MYLK: variants seen among roughly 807,000 people sequenced by gnomAD.
MYLK encodes the protein myosin light chain kinase, smooth muscle.
MYLK carries 106 observed loss-of-function variants against 203.4 expected under a neutral mutation model. The ratio of observed to expected loss-of-function variants is 0.52; its 90% CI spans 0.45 to 0.61. The LOEUF (loss-of-function observed/expected upper bound fraction) is 0.61. Among genes scored for constraint, MYLK ranks in the 20% least tolerant of loss-of-function variants. MYLK has a pLI of 0.00. For missense variants in MYLK, 2,072 were observed against 2,442.3 expected, an observed-to-expected ratio of 0.85 and a Z score of 3.20; for synonymous variants, 867 against 959.5, an observed-to-expected ratio of 0.90 and a Z score of 1.78.
intron 4 of MYLK, among the ~76,000 whole-genome samples, chr3:123,770,617 G>T (rs2063848801): frequency 6.6e-6 from 1 of 152,214 alleles, no homozygotes; most frequent in African/African-American, 2.4e-5. Flanking sequence ...TGTGTGAGGG[G>T]GTGATGCCCA....
chr3:123,767,325 G>A (rs903095538), intron 4 of MYLK, among the ~76,000 whole-genome samples: 2 of 152,228 alleles, frequency 1.3e-5, no homozygotes, highest in African/African-American at 4.8e-5. Flanking sequence ...AAATGCATGA[G>A]GCTGGGTGTG....
At chr3:123,670,034 C>CAAAAAAAAAA (rs57445681) in intron 20 of MYLK, among the ~76,000 whole-genome samples, 12 of 36,996 alleles carry the variant, frequency 3.2e-4, no homozygotes, top group East Asian at 5.8e-4. Flanking sequence ...GACTCCATCT[C>CAAAAAAAAAA]AAAAAAAAAA....
chr3:123,807,534 T>C lies in MYLK; in HGVS notation c.-3-13690A>G, dbSNP rs142095516. Among the ~76,000 whole-genome samples the C allele has an allele frequency of 1.4e-4, 22 of 152,368 alleles. 1 individual carries two copies. The East Asian group carries it at 2.1e-3, about 15-fold the overall frequency. ...GTATTGATATCCCCTTAGATTTTTA[T>C]TGTCATGACATCTGCTGAGTATGAA... On this transcript the variant is annotated intron_variant, in intron 3 of 33. Transcript: ENST00000360304.
At chr3:123,714,124 T>C (rs1467854682) in intron 13 of MYLK, among the ~76,000 whole-genome samples, 1 of 152,210 alleles carries the variant, frequency 6.6e-6, no homozygotes, top group East Asian at 1.9e-4. Flanking sequence ...AAGATGTTCA[T>C]AGCTAATTCA....
rs2061127382 is a variant in MYLK, at chr3:123,700,183, C to A, written c.3285G>T (p.Gly1095=). Residue 1095 remains glycine, a synonymous_variant, in exon 18 of 34, where the codon GGG becomes GGT. Coordinates refer to ENST00000360304, the MANE Select transcript of MYLK (RefSeq NM_053025.4). ...GCTTCTGCTTGAAGGCTGGGGCTGT[C>A]CCCTGGCTCTCTGATCTCTTTTCAT... ...TDNEKRSESQ[G]TAPAFKQKLQ... 1.2e-6 allele frequency: 2 copies of A among 1,613,946 alleles called. No homozygotes were observed. Among genetic ancestry groups the A allele is most frequent in the Non-Finnish European group, 1.7e-6 (2 of 1,179,986 alleles).
At chr3:123,660,897 G>A (rs2059539991) in intron 23 of MYLK, among the ~76,000 whole-genome samples, 1 of 152,194 alleles carries the variant, frequency 6.6e-6, no homozygotes, top group Non-Finnish European at 1.5e-5. Context: ...GCTTCATCCA[G>A]GTTTACTTTG....
chr3:123,648,490 T>C lies in MYLK; in HGVS notation c.4415+481A>G, dbSNP rs553554923. On this transcript the variant is annotated intron_variant, in intron 26 of 33. Transcript: ENST00000360304. This position sits in a 1 kb window ranked among gnomAD's most constrained non-coding sequence, Gnocchi z 4.5. ...TTTTAAAAATTATTTTATTTTATTG[T>C]TTTTAAGTTCCAGGGTACATGTGCA... is the stretch of plus-strand genomic sequence containing the variant. Among the ~76,000 whole-genome samples, 3 of 152,352 alleles carry C rather than the reference T, an allele frequency of 2.0e-5. No individual in the cohort carries two copies. In the East Asian group the frequency reaches 5.8e-4, roughly 29 times the overall value.
In MYLK at chr3:123,709,903, A is replaced by G. The variant is rs780854435; in HGVS notation, c.1805-10T>C. The G allele has an allele frequency of 5.0e-6, 8 of 1,613,946 alleles. No individual in the cohort carries two copies. The highest frequency in any genetic ancestry group is 5.9e-6 in the Non-Finnish European group (7 of 1,179,964). ...CTGCTACTCTTCTTTTCTGTGTGGT[A>G]GAAAACAGAACGTGGGGTGAACATT... is the stretch of plus-strand genomic sequence containing the variant. On this transcript the variant is annotated splice_polypyrimidine_tract_variant and intron_variant, in intron 13 of 33. Transcript: ENST00000360304.
At chr3:123,626,776 T>C (rs777856335) in intron 31 of MYLK, 42 bp downstream of exon 31, 1 of 1,611,018 alleles carries the variant, frequency 6.2e-7, no homozygotes, top group South Asian at 1.1e-5. Context: ...ACAACACAAA[T>C]ATGAGGGGCA....
At chr3:123,750,635 A>G (rs1289645148) in intron 5 of MYLK, among the ~76,000 whole-genome samples, 2 of 152,214 alleles carry the variant, frequency 1.3e-5, no homozygotes, top group Non-Finnish European at 2.9e-5. Context: ...AGAGTCACAC[A>G]TCTCATTGGC....
intron 4 of MYLK, among the ~76,000 whole-genome samples, chr3:123,777,666 G>T (rs889378791): frequency 5.3e-5 from 8 of 152,376 alleles, no homozygotes; most frequent in African/African-American, 1.7e-4. Flanking sequence ...GAACTGGGCT[G>T]AGGGTGTGGA....
rs182947554 is a variant in MYLK, at chr3:123,883,058, G to T, written c.-186+1148C>A. On this transcript the variant is annotated intron_variant, in intron 1 of 33. Coordinates refer to ENST00000360304, the MANE Select transcript of MYLK (RefSeq NM_053025.4). The stretch of plus-strand genomic sequence containing the variant: ...CCTGATTCTTTGAAGTGTGGGCGGG[G>T]TTCCCCAAATGGTCCTCCTAAGCCC... Among the ~76,000 whole-genome samples the T allele has an allele frequency of 9.5e-4, 144 of 152,320 alleles. 1 individual carries two copies. The Middle Eastern group carries it at 0.01, about 11-fold the overall frequency.
rs992647578 is a variant in MYLK at position 123,871,778 on chromosome 3, T to C, written c.-127+4781A>G. On this transcript the variant is annotated intron_variant, in intron 2 of 33. Transcript: ENST00000360304. ...GTTTTATGCAAACTCTTCCAGAAAATAGAAGAAGGAACACTTTCCAACTCA... is the reference window on the plus strand; with the variant it reads ...GTTTTATGCAAACTCTTCCAGAAAACAGAAGAAGGAACACTTTCCAACTCA... 2.5e-4 allele frequency among the ~76,000 whole-genome samples: 37 copies of C among 150,386 alleles called. 1 individual carries two copies. The highest frequency in any genetic ancestry group is 7.3e-4 in the African/African-American group (30 of 40,940).
chr3:123,881,006 C>T (rs72974255), intron 1 of MYLK, among the ~76,000 whole-genome samples: 1,666 of 152,258 alleles, frequency 0.011, 28 homozygotes, highest in African/African-American at 0.037. Context: ...TGGCATCAAA[C>T]GAATGGAAAA....
At chr3:123,662,130 G>A (rs1042456087) in intron 23 of MYLK, among the ~76,000 whole-genome samples, 1 of 152,184 alleles carries the variant, frequency 6.6e-6, no homozygotes, top group African/African-American at 2.4e-5. Context: ...CATGTGGACA[G>A]CTCCCCAAAA....
At chr3:123,842,365 A>G (rs887562857) in intron 2 of MYLK, among the ~76,000 whole-genome samples, 1 of 152,154 alleles carries the variant, frequency 6.6e-6, no homozygotes, top group African/African-American at 2.4e-5. Flanking sequence ...ATGGGGGTCT[A>G]GTAACTATCT....
rs1458179681 is a variant in MYLK, at chr3:123,871,747, A to G, written c.-127+4812T>C. 2.0e-5 allele frequency among the ~76,000 whole-genome samples: 3 copies of G among 151,452 alleles called. No individual in the cohort carries two copies. In the East Asian group the frequency reaches 5.8e-4, roughly 29 times the overall value. On this transcript the variant is annotated intron_variant, in intron 2 of 33. Transcript: ENST00000360304. Reference sequence around the variant, plus strand: ...CTACTAAAACTTTCAGGAATAAATAACAACAGTTTTATGCAAACTCTTCCA... The same window carrying G: ...CTACTAAAACTTTCAGGAATAAATAGCAACAGTTTTATGCAAACTCTTCCA...
chr3:123,800,694 G>A (rs1429219922), intron 3 of MYLK, among the ~76,000 whole-genome samples: 5 of 152,176 alleles, frequency 3.3e-5, no homozygotes, highest in Non-Finnish European at 4.4e-5. Context: ...AACATCCTAT[G>A]CAACTCACAC....
chr3:123,667,082 A>C, intron 21 of MYLK, 55 bp downstream of exon 21: 1 of 1,565,472 alleles, frequency 6.4e-7, no homozygotes, highest in Non-Finnish European at 8.8e-7. Flanking sequence ...AGGTAAAGGC[A>C]AAACCCCCAT....
Sources: allele counts gnomAD v4.1 joint callset (sites outside exome capture counted in the v4.1 genomes callset), GRCh38; gene constraint gnomAD v4.1.1; non-coding constraint Gnocchi (gnomAD v3.1); transcripts MANE v1.5; gene names NCBI Gene and HGNC (gene_info 2026-07-23, HGNC 2026-07-21).